Variants in STK10 observed in about 807,000 individuals in gnomAD.
STK10 encodes the protein serine/threonine-protein kinase 10.
STK10 carries 78 observed loss-of-function variants against 113.8 expected under a neutral mutation model. That is an observed-to-expected ratio of 0.69 (90% CI 0.57 to 0.83). The LOEUF (loss-of-function observed/expected upper bound fraction) is 0.83. Ranked by LOEUF, STK10 falls within the 40% of genes least tolerant of loss-of-function variation. The probability of loss-of-function intolerance (pLI) is 0.00; values close to 1 mark genes in which losing one functional copy is unlikely to be tolerated. For synonymous variants in STK10, 465 were observed against 494.7 expected, an observed-to-expected ratio of 0.94 and a Z score of 0.80; for missense variants, 1,109 against 1,280.1, an observed-to-expected ratio of 0.87 and a Z score of 2.04.
chr5:172,121,719 T>A (rs1454363439), intron 3 of STK10, among the ~76,000 whole-genome samples: 4 of 151,980 alleles, frequency 2.6e-5, no homozygotes, highest in African/African-American at 9.7e-5. Context: ...TCTAAATAAA[T>A]AAATAAATAA....
chr5:172,045,296 A>G, intron 18 of STK10: 1 of 594,808 alleles, frequency 1.7e-6, no homozygotes, highest in Non-Finnish European at 3.1e-6. Flanking sequence ...AGGAAAAAAA[A>G]GCAGATGCAA....
chr5:172,069,539 A>G (rs768762793), intron 12 of STK10, among the ~76,000 whole-genome samples: 1 of 152,194 alleles, frequency 6.6e-6, no homozygotes, highest in African/African-American at 2.4e-5. Flanking sequence ...GGATCACTTG[A>G]GCCCAGGAGT....
chr5:172,157,811 G>A (rs1275651364), intron 1 of STK10, among the ~76,000 whole-genome samples: 2 of 151,846 alleles, frequency 1.3e-5, no homozygotes, highest in South Asian at 2.1e-4. Flanking sequence ...GGCTGGTCTC[G>A]AACTCCTGGC....
In STK10 at chr5:172,188,211, G is replaced by T; in HGVS notation, c.-169C>A. ...CTCGGTCAAGTGTGCCCTGGGCAGC[G>T]CCGCGCCGGGAGCACCCGGAACCGC... On this transcript the variant is annotated 5_prime_UTR_variant, in exon 1 of 19. Transcript: ENST00000176763. The surrounding 1 kb of genome is among the most constrained non-coding windows in gnomAD (Gnocchi z 5.6). The T allele has an allele frequency of 8.4e-7, 1 of 1,190,880 alleles. No individual in the cohort carries two copies. The highest frequency in any genetic ancestry group is 1.1e-6 in the Non-Finnish European group (1 of 905,156). 73.8% of individuals were successfully genotyped at this position (1,190,880 alleles called of 1,614,324 possible). A position where few individuals can be genotyped will look rare whatever the true frequency, so the allele number is the denominator to read the frequency against.
intron 2 of STK10, among the ~76,000 whole-genome samples, chr5:172,140,917 A>C (rs555993971): frequency 6.6e-6 from 1 of 152,158 alleles, no homozygotes; most frequent in South Asian, 2.1e-4. Flanking sequence ...TGTACACACA[A>C]TGGATCCCTA....
chr5:172,105,566 C>T (rs937091267), intron 7 of STK10, 90 bp downstream of exon 7: 25 of 1,351,910 alleles, frequency 1.8e-5, no homozygotes, highest in South Asian at 2.4e-5. Context: ...GTTCCCTGGG[C>T]GGGGTGAGAA....
chr5:172,182,791 A>T (rs1471817525), intron 1 of STK10, among the ~76,000 whole-genome samples: 1 of 151,826 alleles, frequency 6.6e-6, no homozygotes, highest in East Asian at 1.9e-4. Context: ...TGACCTCATG[A>T]TCCACCCAAT....
intron 2 of STK10, among the ~76,000 whole-genome samples, chr5:172,148,063 T>C (rs1770121699): frequency 6.6e-6 from 1 of 152,134 alleles, no homozygotes; most frequent in Admixed American, 6.6e-5. Flanking sequence ...CTTGGAGTCA[T>C]ACCATGAAAG....
intron 1 of STK10, among the ~76,000 whole-genome samples, chr5:172,157,395 A>C (rs986848835): frequency 1.3e-5 from 2 of 152,100 alleles, no homozygotes; most frequent in Non-Finnish European, 2.9e-5. Context: ...CATCTCTACC[A>C]AAAATACAAA....
chr5:172,156,701 T>C lies in STK10; in HGVS notation c.244A>G (p.Ile82Val). 6.2e-7 allele frequency: 1 copy of C among 1,614,160 alleles called. No individual in the cohort carries two copies. Residue 82 changes from isoleucine to valine, a missense_variant, in exon 2 of 19, where the codon ATT (isoleucine) becomes GTT (valine). Physicochemically the swap from Ile to Val is conservative, Grantham distance 29. This residue lies in a region of STK10 where 120 missense variants were observed against 134.8 expected (regional missense o/e 0.89). Transcript: ENST00000176763. ...EEELEDYIVEIEILATCDHPY... is the reference protein window; with the variant it reads ...EEELEDYIVEVEILATCDHPY... ...TGGTCGCAGGTGGCCAGGATCTCAATCTCCACGATGTAGTCCTCCAGCTCC... is the reference window on the plus strand; with the variant it reads ...TGGTCGCAGGTGGCCAGGATCTCAACCTCCACGATGTAGTCCTCCAGCTCC...
intron 12 of STK10, among the ~76,000 whole-genome samples, chr5:172,073,698 G>A (rs1320470385): frequency 6.7e-6 from 1 of 150,138 alleles, no homozygotes; most frequent in African/African-American, 2.5e-5. Context: ...TATAATCCTA[G>A]CACTTTGGGA....
At chr5:172,135,649 G>A (rs773580051) in intron 2 of STK10, among the ~76,000 whole-genome samples, 6 of 152,152 alleles carry the variant, frequency 3.9e-5, no homozygotes, top group Admixed American at 6.5e-5. Flanking sequence ...TATGTTAAAC[G>A]TAGCATTACT....
At chr5:172,059,084 G>A (rs972284306) in intron 14 of STK10, among the ~76,000 whole-genome samples, 9 of 148,496 alleles carry the variant, frequency 6.1e-5, no homozygotes, top group African/African-American at 2.0e-4. Flanking sequence ...AAAAAAATTA[G>A]CTGGGCATGG....
chr5:172,075,138 C>T (rs966226366), intron 12 of STK10, among the ~76,000 whole-genome samples: 3 of 150,708 alleles, frequency 2.0e-5, no homozygotes, highest in African/African-American at 7.3e-5. Context: ...CCACTGCATT[C>T]CATCCTGGAA....
rs200598766 is a variant in STK10, at chr5:172,055,667, G to T, written c.2447C>A (p.Thr816Lys). 3 of 1,584,892 alleles carry T rather than the reference G, an allele frequency of 1.9e-6. No individual in the cohort carries two copies. In the East Asian group the frequency reaches 7.0e-5, roughly 37 times the overall value. ...LPKIQRSEGK[T>K]RMAMYKKSLH... ...GCTCTTCTTGTACATGGCCATGCGC[G>T]TCTTGCCCTCACTCCTCTGGATCTT... is the stretch of plus-strand genomic sequence containing the variant. The change falls in exon 16 of 19, where the codon ACG (threonine) becomes AAG (lysine). Residue 816 changes from threonine (T) to lysine (K), a missense_variant. This residue lies in a region of STK10 where 885 missense variants were observed against 991.1 expected (regional missense o/e 0.89). Coordinates refer to ENST00000176763, the MANE Select transcript of STK10 (RefSeq NM_005990.4).
chr5:172,163,544 C>T (rs962298701), intron 1 of STK10, among the ~76,000 whole-genome samples: 1 of 152,136 alleles, frequency 6.6e-6, no homozygotes, highest in Non-Finnish European at 1.5e-5. Context: ...GCCTTGGTGC[C>T]GGTTTCCCAA....
intron 2 of STK10, among the ~76,000 whole-genome samples, chr5:172,151,750 T>C (rs546382291): frequency 6.6e-6 from 1 of 152,346 alleles, no homozygotes; most frequent in East Asian, 1.9e-4. Flanking sequence ...ATGAGGACCG[T>C]TTCCCTCTTG....
rs1254598732 is a variant in STK10 at position 172,082,519 on chromosome 5, A to G, written c.1810-14T>C. The stretch of plus-strand genomic sequence containing the variant: ...CTTCTTCTTGGCCTGAAAGGAGCAG[A>G]AATTCTGAGAAACTTAGCGAAGTCA... On this transcript the variant is annotated splice_polypyrimidine_tract_variant and intron_variant, in intron 11 of 18. Coordinates refer to ENST00000176763, the MANE Select transcript of STK10 (RefSeq NM_005990.4). This position sits in a 1 kb window ranked among gnomAD's most constrained non-coding sequence, Gnocchi z 4.3. The G allele has an allele frequency of 1.5e-5, 24 of 1,560,864 alleles. No individual in the cohort carries two copies. Among genetic ancestry groups the G allele is most frequent in the Non-Finnish European group, 1.9e-5 (22 of 1,156,288 alleles).
intron 12 of STK10, among the ~76,000 whole-genome samples, chr5:172,068,721 T>C (rs1768121728): frequency 6.6e-6 from 1 of 151,930 alleles, no homozygotes; most frequent in African/African-American, 2.4e-5. Context: ...TTTGGGAGGC[T>C]GAGGTGGGCG....
Sources: allele counts gnomAD v4.1 joint callset (sites outside exome capture counted in the v4.1 genomes callset), GRCh38; gene constraint gnomAD v4.1.1; regional missense constraint gnomAD v4.1.1; non-coding constraint Gnocchi (gnomAD v3.1); transcripts MANE v1.5; gene names NCBI Gene and HGNC (gene_info 2026-07-23, HGNC 2026-07-21).